USH2A: variants seen among roughly 807,000 people sequenced by gnomAD.
The protein encoded by USH2A is Usher syndrome 2A (autosomal recessive, mild).
In USH2A, 443 loss-of-function variants were observed where a neutral mutation model predicts 538.9. The ratio of observed to expected loss-of-function variants is 0.82; its 90% CI spans 0.76 to 0.89. The LOEUF is 0.89. Among genes scored for constraint, USH2A ranks in the 40% least tolerant of loss-of-function variants. The pLI is 0.00. For missense variants in USH2A, 6,633 were observed against 6,324.8 expected, an observed-to-expected ratio of 1.05 and a Z score of -1.65; for synonymous variants, 2,413 against 2,273.5, an observed-to-expected ratio of 1.06 and a Z score of -1.75.
At chr1:216,184,772 T>C (rs942932965) in intron 20 of USH2A, among the ~76,000 whole-genome samples, 4 of 151,986 alleles carry the variant, frequency 2.6e-5, no homozygotes, top group African/African-American at 9.7e-5. Flanking sequence ...TGGCTCCTAT[T>C]CACAAGGAAA....
chr1:215,761,373 T>A (rs73088892), intron 56 of USH2A, among the ~76,000 whole-genome samples: 6,710 of 152,246 alleles, frequency 0.044, 295 homozygotes, highest in African/African-American at 0.11. Context: ...CATGGCCTTT[T>A]CTATTTCCTT....
intron 30 of USH2A, among the ~76,000 whole-genome samples, chr1:216,063,529 C>A (rs138887432): frequency 6.6e-6 from 1 of 151,908 alleles, no homozygotes; most frequent in Middle Eastern, 3.2e-3. Flanking sequence ...GAAAAAAAAT[C>A]AAAGAATTCA....
intron 3 of USH2A, among the ~76,000 whole-genome samples, chr1:216,398,434 C>G (rs2039252783): frequency 6.6e-6 from 1 of 152,080 alleles, no homozygotes; most frequent in Non-Finnish European, 1.5e-5. Context: ...GGCTTATTTT[C>G]CTAGACAGAA....
intron 46 of USH2A, among the ~76,000 whole-genome samples, chr1:215,842,155 C>T (rs556618139): frequency 2.0e-5 from 3 of 152,078 alleles, no homozygotes; most frequent in Non-Finnish European, 2.9e-5. Context: ...GAAACCCTGT[C>T]TCTACTGAAA....
intron 13 of USH2A, among the ~76,000 whole-genome samples, chr1:216,237,810 T>A (rs2035859961): frequency 1.3e-5 from 2 of 152,328 alleles, no homozygotes; most frequent in African/African-American, 4.8e-5. Flanking sequence ...CTTATCAGTG[T>A]CTTTTACTTT....
chr1:215,925,728 G>A (rs530515680), intron 38 of USH2A, among the ~76,000 whole-genome samples: 1 of 152,002 alleles, frequency 6.6e-6, no homozygotes, highest in African/African-American at 2.4e-5. Flanking sequence ...CCATCCCTTT[G>A]TACTCTTTCA....
At chr1:215,742,577 T>C (rs1172356187) in intron 59 of USH2A, among the ~76,000 whole-genome samples, 1 of 152,138 alleles carries the variant, frequency 6.6e-6, no homozygotes, top group East Asian at 1.9e-4. Flanking sequence ...TCTCCCCTCC[T>C]AAATCACAGT....
At chr1:215,676,798 C>T (rs1019149937) in intron 62 of USH2A, among the ~76,000 whole-genome samples, 3 of 152,160 alleles carry the variant, frequency 2.0e-5, no homozygotes, top group African/African-American at 7.2e-5. Flanking sequence ...GCACCCCTTG[C>T]TGCCCCTGAT....
intron 54 of USH2A, 26 bp downstream of exon 54, chr1:215,782,016 C>A: frequency 6.2e-7 from 1 of 1,613,534 alleles, no homozygotes; most frequent in South Asian, 1.1e-5. Context: ...ACCCCTTTTC[C>A]CAGAGTTTAG....
At chr1:216,060,731 C>T (rs897105165) in intron 30 of USH2A, among the ~76,000 whole-genome samples, 2 of 152,164 alleles carry the variant, frequency 1.3e-5, no homozygotes, top group South Asian at 4.1e-4. Flanking sequence ...AGTAATTATG[C>T]TGATAATTAA....
chr1:215,853,024 C>T (rs1051833369), intron 44 of USH2A, among the ~76,000 whole-genome samples: 3 of 152,226 alleles, frequency 2.0e-5, no homozygotes, highest in Non-Finnish European at 2.9e-5. Flanking sequence ...CTAGGCAGTG[C>T]CCCAATGAGG....
intron 40 of USH2A, among the ~76,000 whole-genome samples, chr1:215,890,515 A>T (rs1411216422): frequency 6.6e-6 from 1 of 152,228 alleles, no homozygotes; most frequent in Non-Finnish European, 1.5e-5. Context: ...CTCTGAAATC[A>T]AGCTATTTCT....
intron 22 of USH2A, among the ~76,000 whole-genome samples, chr1:216,093,771 C>T (rs976342036): frequency 9.2e-5 from 14 of 152,264 alleles, no homozygotes; most frequent in African/African-American, 3.1e-4. Context: ...GCCAGAATTC[C>T]AATGAGTGTC....
intron 31 of USH2A, among the ~76,000 whole-genome samples, chr1:216,047,518 T>C (rs1182263591): frequency 5.3e-5 from 8 of 152,086 alleles, no homozygotes; most frequent in Admixed American, 3.9e-4. Context: ...GGGAGTCTGA[T>C]TGGTTTAGGT....
At chr1:215,997,609 G>A (rs564676235) in intron 34 of USH2A, among the ~76,000 whole-genome samples, 30 of 152,090 alleles carry the variant, frequency 2.0e-4, no homozygotes, top group African/African-American at 6.5e-4. Flanking sequence ...TGAATTGATT[G>A]ACTGCACAGC....
At chr1:216,032,441 C>T (rs953711764) in intron 32 of USH2A, among the ~76,000 whole-genome samples, 3 of 152,100 alleles carry the variant, frequency 2.0e-5, no homozygotes, top group Non-Finnish European at 1.5e-5. Flanking sequence ...GGGTAAGAAC[C>T]ATGCTTGAGT....
At chr1:215,646,807 G>A (rs1439911744) in intron 67 of USH2A, among the ~76,000 whole-genome samples, 2 of 152,174 alleles carry the variant, frequency 1.3e-5, no homozygotes, top group African/African-American at 2.4e-5. Flanking sequence ...GATTACAGGC[G>A]TGAGCCACTG....
intron 38 of USH2A, among the ~76,000 whole-genome samples, chr1:215,910,203 T>C (rs1030487084): frequency 1.3e-5 from 2 of 152,072 alleles, no homozygotes; most frequent in African/African-American, 2.4e-5. Flanking sequence ...ATCCTGAACA[T>C]TTCACACTTT....
chr1:215,640,591 T>C lies in USH2A; in HGVS notation c.14935A>G (p.Thr4979Ala), dbSNP rs757049212. Residue 4979 changes from threonine (T) to alanine (A), a missense_variant, in exon 68 of 72, where the codon ACC becomes GCC. Transcript: ENST00000307340. ...GCCGTTCTCGGTATGTAGAGGGTGG[T>C]GTCCAAGCCGCTGTACACGCGTCGC... ...GGRRVYSGLD[T>A]TLYIPRTADK... 6.2e-7 allele frequency: 1 copy of C among 1,613,716 alleles called. No homozygotes were observed. The highest frequency in any genetic ancestry group is 8.5e-7 in the Non-Finnish European group (1 of 1,179,934).
Sources: gnomAD v4.1 joint callset for allele counts (sites outside exome capture counted in the v4.1 genomes callset) on GRCh38, gnomAD v4.1.1 for gene constraint, MANE v1.5 for transcripts, NCBI Gene and HGNC (gene_info 2026-07-23, HGNC 2026-07-21) for gene names.